The following PDE4D variants were observed in gnomAD, a reference collection of about 807,000 sequenced individuals.
PDE4D encodes phosphodiesterase 4D.
PDE4D carries 24 observed loss-of-function variants against 87.4 expected under a neutral mutation model. That is an observed-to-expected ratio of 0.27 (90% CI 0.20 to 0.39). The LOEUF (loss-of-function observed/expected upper bound fraction) is 0.39, where lower values mean the gene tolerates loss of function less well. PDE4D is among the 10% of genes least tolerant of loss of function. The probability of loss-of-function intolerance (pLI) is 1.00; values close to 1 mark genes in which losing one functional copy is unlikely to be tolerated. For missense variants in PDE4D, 714 were observed against 1,041.0 expected (o/e 0.69, Z 4.32); for synonymous variants, 384 against 383.2 (o/e 1.00, Z -0.02).
intron 1 of PDE4D, among the ~76,000 whole-genome samples, chr5:59,884,458 C>A (rs913887186): frequency 1.3e-5 from 2 of 151,964 alleles, no homozygotes; most frequent in African/African-American, 4.8e-5. Context: ...TTCCACATAA[C>A]AACTTGTAGA....
intron 1 of PDE4D, among the ~76,000 whole-genome samples, chr5:59,598,773 G>A (rs941460423): frequency 3.3e-5 from 5 of 151,746 alleles, no homozygotes; most frequent in East Asian, 1.9e-4. Flanking sequence ...AGGACAGAAG[G>A]ACATTACTAT....
intron 1 of PDE4D, among the ~76,000 whole-genome samples, chr5:59,330,107 G>A (rs1053724844): frequency 2.0e-5 from 3 of 152,082 alleles, no homozygotes; most frequent in South Asian, 2.1e-4. Context: ...TGTTCATCAC[G>A]TTAATTAATG....
intron 1 of PDE4D, among the ~76,000 whole-genome samples, chr5:59,869,415 C>A (rs980185732): frequency 6.6e-6 from 1 of 152,160 alleles, no homozygotes; most frequent in Non-Finnish European, 1.5e-5. Context: ...AGGTCAAAAT[C>A]AGCCAAATAA....
intron 1 of PDE4D, among the ~76,000 whole-genome samples, chr5:59,811,565 G>T (rs879686359): frequency 1.4e-4 from 21 of 152,160 alleles, no homozygotes; most frequent in Admixed American, 7.9e-4. Context: ...CTGACTCTCA[G>T]CCTCTCTCCA....
chr5:60,079,644 A>G (rs1263361877), intron 2 of PDE4D, among the ~76,000 whole-genome samples: 1 of 152,200 alleles, frequency 6.6e-6, no homozygotes, highest in Non-Finnish European at 1.5e-5. Flanking sequence ...TCTTTTCTCC[A>G]CTGCTTGTTT....
chr5:60,460,280 C>G (rs1249724092), intron 1 of PDE4D: 7 of 1,055,168 alleles, frequency 6.6e-6, no homozygotes, highest in Non-Finnish European at 1.0e-5. Context: ...AGATGAAATT[C>G]TTTGGATAGA....
intron 1 of PDE4D, among the ~76,000 whole-genome samples, chr5:59,758,481 G>C (rs1307977501): frequency 1.3e-5 from 2 of 152,074 alleles, no homozygotes; most frequent in African/African-American, 4.8e-5. Flanking sequence ...GAAATACTTG[G>C]AGAGTATTTA....
chr5:60,441,989 G>C (rs183835796), intron 1 of PDE4D, among the ~76,000 whole-genome samples: 2 of 152,152 alleles, frequency 1.3e-5, no homozygotes, highest in South Asian at 4.1e-4. Context: ...TACACTGTTG[G>C]TGGGAGTGTA....
intron 2 of PDE4D, among the ~76,000 whole-genome samples, chr5:60,105,525 C>A (rs1269097111): frequency 6.6e-6 from 1 of 152,086 alleles, no homozygotes; most frequent in Non-Finnish European, 1.5e-5. Flanking sequence ...CACAAAGATA[C>A]TCCTCAAGAA....
intron 1 of PDE4D, among the ~76,000 whole-genome samples, chr5:59,546,619 A>G (rs1392893183): frequency 1.3e-5 from 2 of 152,176 alleles, no homozygotes; most frequent in East Asian, 3.8e-4. Flanking sequence ...AAAATTCCTA[A>G]GAAAGCCTTC....
At chr5:59,330,548 A>G (rs1239449468) in intron 1 of PDE4D, among the ~76,000 whole-genome samples, 1 of 152,180 alleles carries the variant, frequency 6.6e-6, no homozygotes, top group Non-Finnish European at 1.5e-5. Flanking sequence ...ACTCACATAC[A>G]TTCAAATCAC....
intron 1 of PDE4D, among the ~76,000 whole-genome samples, chr5:59,702,049 G>C (rs1752652819): frequency 6.6e-6 from 1 of 152,204 alleles, no homozygotes; most frequent in Non-Finnish European, 1.5e-5. Flanking sequence ...GAAGCTAGGT[G>C]AAAGAGGTTT....
At chr5:59,971,723 A>G (rs1202364371) in intron 3 of PDE4D, among the ~76,000 whole-genome samples, 1 of 152,166 alleles carries the variant, frequency 6.6e-6, no homozygotes, top group African/African-American at 2.4e-5. Context: ...TTAAAATAAA[A>G]TTCAATCTTC....
At chr5:59,151,155 T>C (rs1182836112) in intron 5 of PDE4D, among the ~76,000 whole-genome samples, 1 of 152,164 alleles carries the variant, frequency 6.6e-6, no homozygotes, top group Non-Finnish European at 1.5e-5. Flanking sequence ...AGTGAGGATA[T>C]TGTCATATGG....
chr5:60,161,982 C>T (rs1008530111), intron 2 of PDE4D, among the ~76,000 whole-genome samples: 1 of 152,072 alleles, frequency 6.6e-6, no homozygotes, highest in African/African-American at 2.4e-5. Flanking sequence ...CAGACTGCTG[C>T]GTCCACCACC....
At chr5:60,040,233 G>C (rs1221342580) in intron 2 of PDE4D, among the ~76,000 whole-genome samples, 1 of 152,172 alleles carries the variant, frequency 6.6e-6, no homozygotes, top group Non-Finnish European at 1.5e-5. Flanking sequence ...CACAGAAAAA[G>C]CAAAGCCTCT....
chr5:58,977,015 T>C (rs2153308034), intron 12 of PDE4D, among the ~76,000 whole-genome samples, 176 bp downstream of exon 12: 1 of 152,276 alleles, frequency 6.6e-6, no homozygotes, highest in East Asian at 1.9e-4. Context: ...CTGCTAGAAG[T>C]GAAAAACCTA....
At chr5:59,061,385 T>C (rs1268355823) in intron 5 of PDE4D, among the ~76,000 whole-genome samples, 2 of 152,118 alleles carry the variant, frequency 1.3e-5, no homozygotes, top group Non-Finnish European at 2.9e-5. Context: ...GACTATCTTA[T>C]TTATTACCAA....
chr5:60,005,043 G>GAACC (rs1764342997), intron 2 of PDE4D, among the ~76,000 whole-genome samples: 1 of 152,154 alleles, frequency 6.6e-6, no homozygotes, highest in Non-Finnish European at 1.5e-5. Flanking sequence ...CCAAGGTATG[G>GAACC]AACCAACCTA....
Sources: allele counts gnomAD v4.1 joint callset (sites outside exome capture counted in the v4.1 genomes callset), GRCh38; gene constraint gnomAD v4.1.1; transcripts MANE v1.5; gene names NCBI Gene and HGNC (gene_info 2026-07-23, HGNC 2026-07-21).